PDE4B: variants seen among roughly 807,000 people sequenced by gnomAD.
PDE4B encodes phosphodiesterase 4B.
Under a neutral mutation model 82.2 loss-of-function variants are expected in PDE4B, and 20 were observed. The ratio of observed to expected loss-of-function variants is 0.24; its 90% CI spans 0.17 to 0.35. The LOEUF (loss-of-function observed/expected upper bound fraction) is 0.35. PDE4B is among the 10% of genes least tolerant of loss of function. The pLI is 1.00. For synonymous variants in PDE4B, 320 were observed against 318.9 expected, an observed-to-expected ratio of 1.00 and a Z score of -0.04; for missense variants, 655 against 907.2, an observed-to-expected ratio of 0.72 and a Z score of 3.57.
intron 7 of PDE4B, among the ~76,000 whole-genome samples, chr1:66,270,665 G>T (rs968343455): frequency 2.6e-5 from 4 of 152,130 alleles, no homozygotes; most frequent in African/African-American, 9.7e-5. Flanking sequence ...TCTACATTAA[G>T]CAAGAACTGT....
chr1:65,830,764 C>CA (rs1441860483), intron 1 of PDE4B, among the ~76,000 whole-genome samples: 3 of 152,070 alleles, frequency 2.0e-5, no homozygotes, highest in African/African-American at 7.2e-5. Flanking sequence ...GAGAACAGGA[C>CA]ACTAGTGGAC....
intron 8 of PDE4B, among the ~76,000 whole-genome samples, chr1:66,353,261 AAC>A (rs926403475): frequency 3.9e-5 from 6 of 152,178 alleles, no homozygotes; most frequent in Non-Finnish European, 7.4e-5. Context: ...TATCATGGGA[AAC>A]ACACACACAT....
At chr1:65,927,517 TATATA>T (rs1647574696) in intron 3 of PDE4B, among the ~76,000 whole-genome samples, 1 of 147,500 alleles carries the variant, frequency 6.8e-6, no homozygotes, top group South Asian at 2.1e-4. Flanking sequence ...TATATGTAAA[TATATA>T]TAATATATAT....
At chr1:66,211,905 C>T (rs570248925) in intron 3 of PDE4B, among the ~76,000 whole-genome samples, 127 of 152,312 alleles carry the variant, frequency 8.3e-4, no homozygotes, top group African/African-American at 2.9e-3. Context: ...GAAACCCAAA[C>T]CTTTATACTT....
chr1:66,193,613 G>A (rs1202709583), intron 3 of PDE4B, among the ~76,000 whole-genome samples: 5 of 152,124 alleles, frequency 3.3e-5, no homozygotes, highest in African/African-American at 9.7e-5. Context: ...AGCTTAATGC[G>A]TGAAAAGGAC....
intron 3 of PDE4B, among the ~76,000 whole-genome samples, chr1:66,223,328 A>G (rs1181160493): frequency 6.6e-6 from 1 of 152,090 alleles, no homozygotes; most frequent in Non-Finnish European, 1.5e-5. Context: ...CACCACAACA[A>G]ACAGCCTACA....
At chr1:66,017,237 A>G (rs1288296163) in intron 3 of PDE4B, among the ~76,000 whole-genome samples, 2 of 152,234 alleles carry the variant, frequency 1.3e-5, no homozygotes, top group Non-Finnish European at 2.9e-5. Context: ...CTGCATATAT[A>G]TAAGGCCTTT....
chr1:66,342,414 A>G (rs1661055384), intron 8 of PDE4B, among the ~76,000 whole-genome samples: 1 of 152,102 alleles, frequency 6.6e-6, no homozygotes, highest in Non-Finnish European at 1.5e-5. Flanking sequence ...ACCTGAATTA[A>G]AAAGCTAAAA....
At chr1:66,092,634 A>C (rs1299538737) in intron 3 of PDE4B, among the ~76,000 whole-genome samples, 7 of 152,092 alleles carry the variant, frequency 4.6e-5, no homozygotes, top group Admixed American at 6.6e-5. Flanking sequence ...TGTAAACACA[A>C]GATAGATTAA....
intron 3 of PDE4B, among the ~76,000 whole-genome samples, chr1:66,040,839 T>G (rs1368406406): frequency 6.6e-6 from 1 of 151,864 alleles, no homozygotes. Context: ...AGTCAACCCT[T>G]AGCCTAAAGT....
chr1:66,035,844 C>T (rs776440225), intron 3 of PDE4B, among the ~76,000 whole-genome samples: 22 of 152,020 alleles, frequency 1.4e-4, no homozygotes, highest in Non-Finnish European at 2.9e-4. Context: ...ATTTTAATTC[C>T]TTTGTGTGTA....
At chr1:65,926,070 G>A (rs915742499) in intron 3 of PDE4B, among the ~76,000 whole-genome samples, 2 of 152,074 alleles carry the variant, frequency 1.3e-5, no homozygotes, top group African/African-American at 4.8e-5. Context: ...GCCTCACCCT[G>A]GCATGGCTGG....
At chr1:65,951,581 T>C (rs1649001601) in intron 3 of PDE4B, among the ~76,000 whole-genome samples, 1 of 152,112 alleles carries the variant, frequency 6.6e-6, no homozygotes, top group Non-Finnish European at 1.5e-5. Context: ...ATTCTGTTTT[T>C]TATTCCCTAA....
chr1:66,272,915 C>CATG (rs1282165777), intron 7 of PDE4B, among the ~76,000 whole-genome samples: 1 of 151,182 alleles, frequency 6.6e-6, no homozygotes, highest in Non-Finnish European at 1.5e-5. Context: ...CTCAGCCTCC[C>CATG]ATGTAACTGG....
intron 3 of PDE4B, among the ~76,000 whole-genome samples, chr1:66,141,868 T>C (rs1459184281): frequency 6.6e-6 from 1 of 152,136 alleles, no homozygotes; most frequent in Admixed American, 6.5e-5. Flanking sequence ...AGAAACATAG[T>C]TGACTCTTGA....
chr1:66,272,776 A>ATTCTT (rs1553165261), intron 7 of PDE4B, among the ~76,000 whole-genome samples: 10 of 101,984 alleles, frequency 9.8e-5, no homozygotes, highest in Non-Finnish European at 2.0e-4. Flanking sequence ...TGGTACTAGA[A>ATTCTT]TTCTTTTTTT....
chr1:66,096,288 G>GT (rs1645112620), intron 3 of PDE4B, among the ~76,000 whole-genome samples: 1 of 151,170 alleles, frequency 6.6e-6, no homozygotes, highest in Non-Finnish European at 1.5e-5. Flanking sequence ...CTGTTCCTGG[G>GT]TTTTTTCACT....
At chr1:65,998,543 A>T (rs1229762964) in intron 3 of PDE4B, among the ~76,000 whole-genome samples, 2 of 152,154 alleles carry the variant, frequency 1.3e-5, no homozygotes. Context: ...TGGAAAAGGG[A>T]CAATGTGCAT....
chr1:65,834,234 G>C (rs1018581235), intron 1 of PDE4B, among the ~76,000 whole-genome samples: 11 of 152,080 alleles, frequency 7.2e-5, no homozygotes, highest in Admixed American at 6.6e-4. Context: ...TAGTAGAGAT[G>C]GGTTTTGCCA....
Sources: allele counts gnomAD v4.1 joint callset (sites outside exome capture counted in the v4.1 genomes callset), GRCh38; gene constraint gnomAD v4.1.1; transcripts MANE v1.5; gene names NCBI Gene and HGNC (gene_info 2026-07-23, HGNC 2026-07-21).